Variants in SLC22A17 observed in about 807,000 individuals in gnomAD.
The protein encoded by SLC22A17 is 24p3 receptor.
A neutral mutation model predicts 53.6 loss-of-function variants in SLC22A17; 38 were observed. The ratio of observed to expected loss-of-function variants is 0.71; its 90% confidence interval spans 0.55 to 0.93. SLC22A17 has a LOEUF of 0.93. Ranked by LOEUF, SLC22A17 falls within the 40% of genes least tolerant of loss-of-function variation. The pLI, the probability that SLC22A17 is intolerant of heterozygous loss-of-function variation, is 0.00. For synonymous variants in SLC22A17, 379 were observed against 353.0 expected (o/e 1.07, Z -0.82); for missense variants, 704 against 791.0 (o/e 0.89, Z 1.32).
rs753869965 is a variant in SLC22A17 at position 23,346,879 on chromosome 14, C to T, written c.1719G>A (p.Pro573=). 66 of 1,538,054 alleles carry T rather than the reference C, an allele frequency of 4.3e-5. 2 individuals carry two copies. The East Asian group carries it at 8.5e-4, about 20-fold the overall frequency. Residue 573 remains proline (P), a synonymous_variant, in exon 10 of 10, where the codon CCG becomes CCA. Coordinates refer to ENST00000397267, the Ensembl canonical transcript of SLC22A17. ...CATGGCCCATGTGGAGGCGCTGGGC[C>T]GGGCCGCTCAGTCCTCCAAGCGCCC...
rs910776722 is a variant in SLC22A17 at position 23,348,493 on chromosome 14, G to A, written c.1025+13C>T. 1.2e-6 allele frequency: 2 copies of A among 1,612,390 alleles called. No individual in the cohort carries two copies. The highest frequency in any genetic ancestry group is 1.7e-6 in the Non-Finnish European group (2 of 1,179,104). ...TGGGAATTGCCAGACGACAGGTGAA[G>A]GGTAATACTGACCCATAAAACAGGA... On this transcript the variant is annotated intron_variant, in intron 5 of 9. Transcript: ENST00000397267. The surrounding 1 kb of genome is among the most constrained non-coding windows in gnomAD (Gnocchi z 4.5).
rs780266375 is a variant in SLC22A17, at chr14:23,348,985, A to T, written c.859+287T>A. 250 of 591,850 alleles carry T rather than the reference A, an allele frequency of 4.2e-4. 11 individuals are homozygous for T. Among genetic ancestry groups the T allele is most frequent in the South Asian group, 2.9e-3 (144 of 49,024 alleles). 36.7% of individuals were successfully genotyped at this position (591,850 alleles called of 1,614,324 possible). A position where few individuals can be genotyped will look rare whatever the true frequency, so the allele number is the denominator to read the frequency against. ...TTCACATCAACCCTTGTCCAAGGTC[A>T]CACAGCTAGGGACAATCCTTGTCCC... On this transcript the variant is annotated intron_variant, in intron 4 of 9. Coordinates refer to ENST00000397267, the Ensembl canonical transcript of SLC22A17. This position sits in a 1 kb window ranked among gnomAD's most constrained non-coding sequence, Gnocchi z 4.5.
chr14:23,350,175 G>A lies in SLC22A17; in HGVS notation c.705-749C>T, dbSNP rs988741131. ...AAAAATTAGCCAGGTGTGGTGGCAG[G>A]TGCCTGTAGTCTCAGCTACTCGGGA... On this transcript the variant is annotated intron_variant, in intron 3 of 9. Transcript: ENST00000397267. Among the ~76,000 whole-genome samples, 7 of 152,086 alleles carry A rather than the reference G, an allele frequency of 4.6e-5. No individual in the cohort carries two copies. The East Asian group carries it at 1.3e-3, about 29-fold the overall frequency.
In SLC22A17 at chr14:23,348,590, A is replaced by G. The variant is rs1266617936; in HGVS notation, c.941T>C (p.Phe314Ser). The change falls in exon 5 of 10, where the codon TTC (phenylalanine) becomes TCC (serine). Residue 314 changes from phenylalanine to serine, a missense_variant. Phe to Ser is a radical substitution (Grantham distance 155, BLOSUM62 -2). Transcript: ENST00000397267. The surrounding 1 kb of genome is among the most constrained non-coding windows in gnomAD (Gnocchi z 4.5). ...CTTAGAGACAAGGGCCAGGCCCAGG[A>G]ACAGGAAGTGCCCTCCCACCCCCAC... The G allele has an allele frequency of 1.2e-6, 2 of 1,614,076 alleles. No individual in the cohort carries two copies. Among genetic ancestry groups the G allele is most frequent in the East Asian group, 2.2e-5 (1 of 44,880 alleles).
rs761195184 is a variant in SLC22A17 at position 23,348,477 on chromosome 14, C to T, written c.1025+29G>A. The T allele has an allele frequency of 3.2e-5, 52 of 1,603,684 alleles. No homozygotes were observed. In the East Asian group the frequency reaches 1.1e-3, roughly 34 times the overall value. On this transcript the variant is annotated intron_variant, in intron 5 of 9. Coordinates refer to ENST00000397267, the Ensembl canonical transcript of SLC22A17. The surrounding 1 kb of genome is among the most constrained non-coding windows in gnomAD (Gnocchi z 4.5). ...AGTTTGGAGGCAGAGATGGGAATTG[C>T]CAGACGACAGGTGAAGGGTAATACT...
In SLC22A17 at chr14:23,348,323, A is replaced by T. The variant is rs563336719; in HGVS notation, c.1026-17T>A. On this transcript the variant is annotated splice_polypyrimidine_tract_variant and intron_variant, in intron 5 of 9. Coordinates refer to ENST00000397267, the Ensembl canonical transcript of SLC22A17. The surrounding 1 kb of genome is among the most constrained non-coding windows in gnomAD (Gnocchi z 4.5). Reference sequence around the variant, plus strand: ...CCAGGCCAGCTGGGGGCAGGGGGGAAGGGGTATACTGTGAGGCCTCCCTTC... The same window carrying T: ...CCAGGCCAGCTGGGGGCAGGGGGGATGGGGTATACTGTGAGGCCTCCCTTC... 6.2e-7 allele frequency: 1 copy of T among 1,613,524 alleles called. No homozygotes were observed. Among genetic ancestry groups the T allele is most frequent in the Non-Finnish European group, 8.5e-7 (1 of 1,179,728 alleles).
Position 23,347,881 on chromosome 14 carries a change from C to A in SLC22A17, c.1277+10G>T. The A allele has an allele frequency of 6.2e-7, 1 of 1,614,094 alleles. No homozygotes were observed. ...CTGGCCTGGCCCTCAGCCCAGACACCCAGGCTCACTTGGTGAAGCCCAGGA... is the reference window on the plus strand; with the variant it reads ...CTGGCCTGGCCCTCAGCCCAGACACACAGGCTCACTTGGTGAAGCCCAGGA... On this transcript the variant is annotated intron_variant, in intron 7 of 9. Transcript: ENST00000397267. The surrounding 1 kb of genome is among the most constrained non-coding windows in gnomAD (Gnocchi z 5.1).
chr14:23,347,265 C>T lies in SLC22A17; in HGVS notation c.1550-53G>A, dbSNP rs578189923. On this transcript the variant is annotated intron_variant, in intron 8 of 9. Transcript: ENST00000397267. This position sits in a 1 kb window ranked among gnomAD's most constrained non-coding sequence, Gnocchi z 5.1. Reference sequence around the variant, plus strand: ...TGCAGGTGGGGAGGTCAAGGCTGGCCTAGTCCCGGGTGTCATCCCCTTGGC... The same window carrying T: ...TGCAGGTGGGGAGGTCAAGGCTGGCTTAGTCCCGGGTGTCATCCCCTTGGC... The T allele has an allele frequency of 8.4e-5, 130 of 1,544,032 alleles. 1 individual carries two copies. The Middle Eastern group carries it at 2.0e-3, about 24-fold the overall frequency.
At chr14:23,349,005 T>C in intron 4 of SLC22A17, 9 of 598,316 alleles carry the variant, frequency 1.5e-5, no homozygotes, top group Non-Finnish European at 3.0e-6. Flanking sequence ...GGACAATCCT[T>C]GTCCCTGGAC....
At position 23,349,221 on chromosome 14, in the gene SLC22A17, G is replaced by T. The variant is rs7160328; in HGVS notation, c.859+51C>A. The T allele has an allele frequency of 9.9e-6, 16 of 1,612,352 alleles. No homozygotes were observed. The South Asian group carries it at 1.5e-4, about 15-fold the overall frequency. ...CAGTGAGGATGGCCTGGCGATGCAG[G>T]CAGGTAGGCATGAGACCCAAGGGAG... is the stretch of plus-strand genomic sequence containing the variant. On this transcript the variant is annotated intron_variant, in intron 4 of 9. Coordinates refer to ENST00000397267, the Ensembl canonical transcript of SLC22A17.
chr14:23,346,360 A>G (rs1889171284), exon 10 of SLC22A17: 1 of 390,472 alleles, frequency 2.6e-6, no homozygotes, highest in Non-Finnish European at 4.5e-6. Context: ...AGAATGATAG[A>G]GCAAGAAATA....
exon 4 of SLC22A17, chr14:23,349,359 C>T (rs1221892595): frequency 6.2e-7 from 1 of 1,614,036 alleles, no homozygotes; most frequent in Admixed American, 1.7e-5. Context: ...GAGCCTGCAG[C>T]AGCCCCTCCT....
Position 23,347,183 on chromosome 14 carries a change from A to C in SLC22A17, c.1579T>G (p.Ser527Ala). The change falls in exon 9 of 10, where the codon TCT (serine) becomes GCT (alanine). Residue 527 changes from serine (S) to alanine (A), a missense_variant. By Grantham distance (99) the Ser-to-Ala change is moderately conservative. Transcript: ENST00000397267. The surrounding 1 kb of genome is among the most constrained non-coding windows in gnomAD (Gnocchi z 5.1). ...TGGGAGGAGAAGAGCCCAAGGACAG[A>C]GAAAGTGGTGATGGCAGCCTCGTTC... The C allele has an allele frequency of 6.2e-7, 1 of 1,613,928 alleles. No individual in the cohort carries two copies. Among genetic ancestry groups the C allele is most frequent in the South Asian group, 1.1e-5 (1 of 91,022 alleles).
intron 3 of SLC22A17, chr14:23,349,744 G>C (rs970303184): frequency 2.6e-6 from 1 of 390,540 alleles, no homozygotes; most frequent in East Asian, 4.9e-5. Flanking sequence ...TAGGGGATTT[G>C]GGACCATTCA....
At chr14:23,350,952 A>T (rs1889587261) in intron 3 of SLC22A17, 1 of 152,236 alleles carries the variant, frequency 6.6e-6, no homozygotes, top group Admixed American at 6.5e-5. Context: ...ATCCACTTGG[A>T]TGGAACTGTG....
At chr14:23,346,711 C>T (rs1264865360) in exon 10 of SLC22A17, 12 of 1,543,832 alleles carry the variant, frequency 7.8e-6, no homozygotes, top group Non-Finnish European at 1.0e-5. Context: ...GGGGTGGCTG[C>T]CGCAGCAGGG....
At position 23,347,756 on chromosome 14, in the gene SLC22A17, C is replaced by G. The variant is rs149797973; in HGVS notation, c.1278-25G>C. The stretch of plus-strand genomic sequence containing the variant: ...GCTGTGAGAAGGGGTGGGGAAGCAA[C>G]GAACAGAGCCTGAATCCCCTCCCGC... On this transcript the variant is annotated intron_variant, in intron 7 of 9. Transcript: ENST00000397267. This position sits in a 1 kb window ranked among gnomAD's most constrained non-coding sequence, Gnocchi z 5.1. 6.2e-7 allele frequency: 1 copy of G among 1,611,216 alleles called. No homozygotes were observed.
At chr14:23,350,545 A>T (rs1016701882) in intron 3 of SLC22A17, among the ~76,000 whole-genome samples, 1 of 152,088 alleles carries the variant, frequency 6.6e-6, no homozygotes, top group Non-Finnish European at 1.5e-5. Flanking sequence ...TGGGCTATTG[A>T]TCTTTGGGGA....
chr14:23,346,731 G>A (rs1566477321), exon 10 of SLC22A17: 9 of 1,545,740 alleles, frequency 5.8e-6, no homozygotes, highest in Middle Eastern at 1.9e-4. Flanking sequence ...GAAGGCCGGC[G>A]ACACAGCTCC....
Sources: allele counts gnomAD v4.1 joint callset (sites outside exome capture counted in the v4.1 genomes callset), GRCh38; gene constraint gnomAD v4.1.1; non-coding constraint Gnocchi (gnomAD v3.1); transcripts MANE v1.5; gene names NCBI Gene and HGNC (gene_info 2026-07-23, HGNC 2026-07-21).